The following HERC1 variants were observed in gnomAD, a reference collection of about 807,000 sequenced individuals.
HERC1 encodes probable E3 ubiquitin-protein ligase HERC1.
Under a neutral mutation model 554.3 loss-of-function variants are expected in HERC1, and 160 were observed. The ratio of observed to expected loss-of-function variants is 0.29; its 90% CI spans 0.25 to 0.33. The LOEUF (loss-of-function observed/expected upper bound fraction) is 0.33, where lower values mean the gene tolerates loss of function less well. HERC1 is among the 10% of genes least tolerant of loss of function. HERC1 has a pLI of 1.00. For synonymous variants in HERC1, 2,175 were observed against 2,131.7 expected (o/e 1.02, Z -0.56); for missense variants, 4,919 against 5,918.5 (o/e 0.83, Z 5.54).
At chr15:63,739,162 T>C (rs2074678560) in intron 12 of HERC1, among the ~76,000 whole-genome samples, 1 of 150,490 alleles carries the variant, frequency 6.6e-6, no homozygotes, top group Non-Finnish European at 1.5e-5. Flanking sequence ...TCATTCCTTA[T>C]CCTGCTCAAG....
intron 33 of HERC1, 84 bp downstream of exon 33, chr15:63,689,505 C>A: frequency 1.5e-6 from 1 of 680,326 alleles, no homozygotes; most frequent in Middle Eastern, 3.9e-4. Context: ...GAGCAAGGTG[C>A]CTCAGAGGAA....
At chr15:63,794,482 C>T (rs905459432) in intron 1 of HERC1, among the ~76,000 whole-genome samples, 4 of 152,128 alleles carry the variant, frequency 2.6e-5, no homozygotes, top group Admixed American at 6.6e-5. Flanking sequence ...GCTGAAAGTA[C>T]TAACCCTCTA....
In HERC1 at chr15:63,692,149, T is replaced by C. The variant is rs1003789028; in HGVS notation, c.5830+262A>G. Among the ~76,000 whole-genome samples, 1 of 152,266 alleles carries C rather than the reference T, an allele frequency of 6.6e-6. No homozygotes were observed. Among genetic ancestry groups the C allele is most frequent in the Admixed American group, 6.5e-5 (1 of 15,288 alleles). On this transcript the variant is annotated intron_variant, in intron 31 of 77. Transcript: ENST00000443617. The surrounding 1 kb of genome is among the most constrained non-coding windows in gnomAD (Gnocchi z 4.7). ...ATTAAACAGGATGTTCTCTGCTTACTCTTAGGTTTGTAATCTGAACAAAGA... is the reference window on the plus strand; with the variant it reads ...ATTAAACAGGATGTTCTCTGCTTACCCTTAGGTTTGTAATCTGAACAAAGA...
At position 63,729,501 on chromosome 15, in the gene HERC1, C is replaced by A; in HGVS notation, c.3017G>T (p.Ser1006Ile). Residue 1006 changes from serine to isoleucine, a missense_variant, in exon 15 of 78, where the codon AGT becomes ATT. This residue lies in a region of HERC1 where 1,121 missense variants were observed against 1,244.0 expected (regional missense o/e 0.90). Coordinates refer to ENST00000443617, the MANE Select transcript of HERC1 (RefSeq NM_003922.4). The stretch of plus-strand genomic sequence containing the variant: ...AAAAGACAAATAATCGCATACCTCA[C>A]TAATGTTATTGATATGGCAAAATGC... ...LLAFCHINNI[S>I]ENSSSVALLH... The A allele has an allele frequency of 6.2e-7, 1 of 1,613,464 alleles. No individual in the cohort carries two copies. The highest frequency in any genetic ancestry group is 1.1e-5 in the South Asian group (1 of 91,074).
chr15:63,746,855 A>G, intron 12 of HERC1, 63 bp downstream of exon 12: 5 of 1,369,246 alleles, frequency 3.7e-6, no homozygotes, highest in East Asian at 2.5e-5. Context: ...AATATATTGT[A>G]TAGCTAAAAT....
chr15:63,661,696 G>T (rs1052220620), intron 45 of HERC1, 57 bp downstream of exon 45: 3 of 1,553,922 alleles, frequency 1.9e-6, no homozygotes, highest in Non-Finnish European at 2.6e-6. Context: ...CAGTTCCCAA[G>T]ACTTAAGGTA....
intron 25 of HERC1, among the ~76,000 whole-genome samples, chr15:63,701,020 T>G (rs1429590195): frequency 2.0e-5 from 3 of 151,878 alleles, no homozygotes; most frequent in Admixed American, 1.3e-4. Context: ...TGAACTTGTT[T>G]TTTGGGGGGG....
At chr15:63,687,782 G>C (rs1203269946) in intron 33 of HERC1, among the ~76,000 whole-genome samples, 1 of 152,066 alleles carries the variant, frequency 6.6e-6, no homozygotes. Context: ...AACTACTCTA[G>C]ATTGATTAGG....
At chr15:63,663,277 T>A in intron 43 of HERC1, 73 bp from the exon 44 acceptor site, 1 of 1,248,894 alleles carries the variant, frequency 8.0e-7, no homozygotes, top group Non-Finnish European at 1.2e-6. Context: ...AGTTCTTAAC[T>A]GCCATACATG....
rs117428071 is a variant in HERC1 at position 63,622,071 on chromosome 15, A to G, written c.13688+744T>C. 5.1e-4 allele frequency among the ~76,000 whole-genome samples: 77 copies of G among 152,268 alleles called. 1 individual carries two copies. In the East Asian group the frequency reaches 0.013, roughly 25 times the overall value. On this transcript the variant is annotated intron_variant, in intron 74 of 77. Transcript: ENST00000443617. Reference sequence around the variant, plus strand: ...CATTCTGTTTTTAATTTACAAGTCCATGAAACAGGATCCAAAATTCAAAAT... The same window carrying G: ...CATTCTGTTTTTAATTTACAAGTCCGTGAAACAGGATCCAAAATTCAAAAT...
chr15:63,678,879 T>C (rs1006608439), intron 36 of HERC1, among the ~76,000 whole-genome samples: 1 of 152,240 alleles, frequency 6.6e-6, no homozygotes. Flanking sequence ...AATTATTTAA[T>C]CATTCTAAGT....
At chr15:63,655,217 G>A (rs1357442797) in intron 50 of HERC1, among the ~76,000 whole-genome samples, 1 of 152,186 alleles carries the variant, frequency 6.6e-6, no homozygotes, top group Non-Finnish European at 1.5e-5. Flanking sequence ...AGCCGGGCAT[G>A]GTGGCATGTG....
intron 12 of HERC1, among the ~76,000 whole-genome samples, chr15:63,735,630 T>G (rs1251378605): frequency 6.6e-6 from 1 of 152,230 alleles, no homozygotes; most frequent in South Asian, 2.1e-4. Flanking sequence ...AGGAGCTGCA[T>G]TATCTTAGGC....
chr15:63,646,816 A>G (rs1257943804), intron 55 of HERC1, among the ~76,000 whole-genome samples: 5 of 104,718 alleles, frequency 4.8e-5, no homozygotes, highest in Non-Finnish European at 1.1e-4. Context: ...TCAGGAAAAA[A>G]CAAACAAACA....
chr15:63,805,501 CA>C (rs2077110784), intron 1 of HERC1, among the ~76,000 whole-genome samples: 1 of 152,098 alleles, frequency 6.6e-6, no homozygotes, highest in South Asian at 2.1e-4. Context: ...AGATTACAGC[CA>C]AGACATAAAA....
At chr15:63,768,221 A>G (rs1351690460) in intron 2 of HERC1, among the ~76,000 whole-genome samples, 3 of 152,058 alleles carry the variant, frequency 2.0e-5, no homozygotes, top group African/African-American at 7.2e-5. Flanking sequence ...TTTTCTTTTT[A>G]ATTATTTAGG....
At chr15:63,829,016 C>G (rs2078035508) in intron 1 of HERC1, among the ~76,000 whole-genome samples, 1 of 152,134 alleles carries the variant, frequency 6.6e-6, no homozygotes, top group Non-Finnish European at 1.5e-5. Context: ...TACTCTATAT[C>G]ATGAAAGCCA....
Position 63,694,776 on chromosome 15 carries a change from A to G in HERC1, c.5240T>C (p.Ile1747Thr). The G allele has an allele frequency of 1.2e-6, 2 of 1,613,924 alleles. No individual in the cohort carries two copies. The highest frequency in any genetic ancestry group is 1.7e-6 in the Non-Finnish European group (2 of 1,179,854). ...ERALQANKHHIEAQQRLLLVT... is the reference protein window; with the variant it reads ...ERALQANKHHTEAQQRLLLVT... ...ATTTGCAGGAACCGTTTACTTACCA[A>G]TGTGATGCTTGTTTGCTTGCAGGGC... The change falls in exon 28 of 78, where the codon ATT becomes ACT. Residue 1747 changes from isoleucine (I) to threonine (T), a missense_variant and splice_region_variant. Transcript: ENST00000443617. The surrounding 1 kb of genome is among the most constrained non-coding windows in gnomAD (Gnocchi z 4.3).
chr15:63,760,150 GA>G (rs2075560174), intron 3 of HERC1, among the ~76,000 whole-genome samples: 2 of 151,982 alleles, frequency 1.3e-5, no homozygotes, highest in African/African-American at 4.8e-5. Flanking sequence ...AGAAAGGAAA[GA>G]TGGAAAGGAA....
Sources: allele counts gnomAD v4.1 joint callset (sites outside exome capture counted in the v4.1 genomes callset), GRCh38; gene constraint gnomAD v4.1.1; regional missense constraint gnomAD v4.1.1; non-coding constraint Gnocchi (gnomAD v3.1); transcripts MANE v1.5; gene names NCBI Gene and HGNC (gene_info 2026-07-23, HGNC 2026-07-21).